The following MAGI2 variants were observed in gnomAD, a reference collection of about 807,000 sequenced individuals.
MAGI2 encodes the protein membrane-associated guanylate kinase, WW and PDZ domain-containing protein 2.
A neutral mutation model predicts 133.3 loss-of-function variants in MAGI2; 35 were observed. The observed-to-expected ratio is 0.26, with a 90% confidence interval of 0.20 to 0.35. MAGI2 has a LOEUF of 0.35. Ranked by LOEUF, MAGI2 falls within the 10% of genes least tolerant of loss-of-function variation. MAGI2 has a pLI of 1.00. For missense variants in MAGI2, 1,636 were observed against 1,863.4 expected (o/e 0.88, Z 2.25); for synonymous variants, 729 against 710.6 (o/e 1.03, Z -0.41).
At chr7:78,553,082 T>G (rs551269218) in intron 3 of MAGI2, among the ~76,000 whole-genome samples, 1 of 133,358 alleles carries the variant, frequency 7.5e-6, no homozygotes, top group East Asian at 2.4e-4. Flanking sequence ...GCCTGTAAAA[T>G]CAACTTTAAA....
intron 2 of MAGI2, among the ~76,000 whole-genome samples, chr7:78,952,870 C>G (rs1801986591): frequency 6.6e-6 from 1 of 152,058 alleles, no homozygotes; most frequent in African/African-American, 2.4e-5. Context: ...AAACATTGTA[C>G]CTGGGTGTGA....
At chr7:78,233,350 C>T (rs1171868859) in intron 10 of MAGI2, among the ~76,000 whole-genome samples, 4 of 152,024 alleles carry the variant, frequency 2.6e-5, no homozygotes, top group African/African-American at 9.7e-5. Flanking sequence ...TCCCGGAAGC[C>T]ACGGGAGGAA....
chr7:79,378,081 G>A (rs1370680472), intron 1 of MAGI2, among the ~76,000 whole-genome samples: 2 of 151,716 alleles, frequency 1.3e-5, no homozygotes, highest in Admixed American at 6.6e-5. Flanking sequence ...TCAAATTTTG[G>A]GGGTCAAGCT....
chr7:78,663,957 T>C (rs1813260024), intron 2 of MAGI2, among the ~76,000 whole-genome samples: 1 of 152,224 alleles, frequency 6.6e-6, no homozygotes, highest in South Asian at 2.1e-4. Context: ...TGCAACATTT[T>C]TTTGACATTT....
Position 78,019,629 on chromosome 7 carries a change from G to C in MAGI2, c.4054C>G (p.Leu1352Val). The C allele has an allele frequency of 9.9e-7, 1 of 1,010,222 alleles. No individual in the cohort carries two copies. The highest frequency in any genetic ancestry group is 1.2e-6 in the Non-Finnish European group (1 of 847,806). 62.6% of individuals were successfully genotyped at this position (1,010,222 alleles called of 1,614,324 possible). Residue 1352 changes from leucine (L) to valine (V), a missense_variant, in exon 22 of 22, where the codon CTC (leucine) becomes GTC (valine). By Grantham distance (32) the Leu-to-Val change is conservative. Transcript: ENST00000354212. ...GCGTCCGCCGCGTCTGCCGCCGCGA[G>C]CCCGGGCGCCCTGGCCTCCGAGGCG... ...RPASEARAPGLAAADAADAAR... is the reference protein window; with the variant it reads ...RPASEARAPGVAAADAADAAR...
rs1491358012 is a variant in MAGI2 at position 78,018,591 on chromosome 7, CCT to C, written c.*722_*723del. ...GTTCCCTAGGATACAATTTTTAAAA[CCT>C]TTTTTTTCTACCACTGAAAATGTAC... On this transcript the variant is annotated 3_prime_UTR_variant, in exon 22 of 22. Transcript: ENST00000354212. The C allele has an allele frequency of 1.2e-4, 18 of 152,190 alleles. No homozygotes were observed. Among genetic ancestry groups the C allele is most frequent in the African/African-American group, 3.9e-4 (16 of 41,412 alleles). 9.4% of individuals were successfully genotyped at this position (152,190 alleles called of 1,614,324 possible). A position where few individuals can be genotyped will look rare whatever the true frequency, so the allele number is the denominator to read the frequency against.
At chr7:79,328,794 T>C (rs563938988) in intron 1 of MAGI2, among the ~76,000 whole-genome samples, 1 of 152,312 alleles carries the variant, frequency 6.6e-6, no homozygotes, top group East Asian at 1.9e-4. Context: ...TCTCTCTCTA[T>C]TTTTCTTGTG....
chr7:79,438,101 A>T (rs574177651), intron 1 of MAGI2, among the ~76,000 whole-genome samples: 9 of 152,250 alleles, frequency 5.9e-5, no homozygotes, highest in African/African-American at 2.2e-4. Context: ...GGCAACAGCT[A>T]TTACTGTAAA....
chr7:78,346,176 C>A lies in MAGI2; in HGVS notation c.1104-133G>T, dbSNP rs138191888. On this transcript the variant is annotated intron_variant, in intron 7 of 21. Coordinates refer to ENST00000354212, the MANE Select transcript of MAGI2 (RefSeq NM_012301.4). Reference sequence around the variant, plus strand: ...ACAGTCAAGTGCCTCACCCAGCACGCGGTCAGGCTCCTGACTGGGCTGGCC... The same window carrying A: ...ACAGTCAAGTGCCTCACCCAGCACGAGGTCAGGCTCCTGACTGGGCTGGCC... 269 of 964,438 alleles carry A rather than the reference C, an allele frequency of 2.8e-4. 2 individuals carry two copies. The African/African-American group carries it at 3.5e-3, about 13-fold the overall frequency. 59.7% of individuals were successfully genotyped at this position (964,438 alleles called of 1,614,324 possible). A position where few individuals can be genotyped will look rare whatever the true frequency, so the allele number is the denominator to read the frequency against.
At chr7:78,163,705 G>GATC (rs952006545) in intron 15 of MAGI2, among the ~76,000 whole-genome samples, 6 of 151,892 alleles carry the variant, frequency 4.0e-5, no homozygotes, top group African/African-American at 9.7e-5. Context: ...AGGAGATAGA[G>GATC]ATCATCCTGG....
intron 16 of MAGI2, among the ~76,000 whole-genome samples, chr7:78,139,571 C>T (rs1281193787): frequency 5.3e-5 from 8 of 152,214 alleles, no homozygotes. Context: ...GAACTGATGA[C>T]TAAGGGAACT....
intron 1 of MAGI2, among the ~76,000 whole-genome samples, chr7:79,287,124 G>GCAGCAT (rs1253828676): frequency 6.6e-6 from 1 of 152,034 alleles, no homozygotes; most frequent in Non-Finnish European, 1.5e-5. Flanking sequence ...CCTTGAACTA[G>GCAGCAT]CAGCATCAGC....
intron 2 of MAGI2, among the ~76,000 whole-genome samples, chr7:79,002,625 G>C (rs1806990222): frequency 6.6e-6 from 1 of 151,668 alleles, no homozygotes; most frequent in Non-Finnish European, 1.5e-5. Context: ...GATAAAATTA[G>C]AACTTGAAAA....
chr7:79,338,806 T>C (rs1182911425), intron 1 of MAGI2, among the ~76,000 whole-genome samples: 3 of 152,080 alleles, frequency 2.0e-5, no homozygotes, highest in Admixed American at 1.3e-4. Context: ...GAGAGCCTCG[T>C]AGCCACACCT....
intron 2 of MAGI2, among the ~76,000 whole-genome samples, chr7:78,850,805 G>C (rs575106003): frequency 1.3e-5 from 2 of 152,170 alleles, no homozygotes; most frequent in African/African-American, 4.8e-5. Context: ...GACTGGATTT[G>C]ACATTTTTAA....
In MAGI2 at chr7:78,646,487, C is replaced by A. The variant is rs934887662; in HGVS notation, c.419-19248G>T. On this transcript the variant is annotated intron_variant, in intron 2 of 21. Coordinates refer to ENST00000354212, the MANE Select transcript of MAGI2 (RefSeq NM_012301.4). ...TAAATTTAGCATGTTTTCTCTCCTA[C>A]CAGTGAAACATTAGTAACTTTCATA... is the stretch of plus-strand genomic sequence containing the variant. Among the ~76,000 whole-genome samples the A allele has an allele frequency of 4.5e-4, 69 of 152,200 alleles. 1 individual carries two copies. Among genetic ancestry groups the A allele is most frequent in the South Asian group, 1.9e-3 (9 of 4,818 alleles).
chr7:78,450,501 G>A (rs1414632526), intron 6 of MAGI2, among the ~76,000 whole-genome samples: 1 of 152,094 alleles, frequency 6.6e-6, no homozygotes, highest in Non-Finnish European at 1.5e-5. Context: ...AATGCAGCAT[G>A]CACAAAGCAC....
At chr7:78,421,622 G>A (rs932315036) in intron 6 of MAGI2, among the ~76,000 whole-genome samples, 1 of 152,120 alleles carries the variant, frequency 6.6e-6, no homozygotes, top group Non-Finnish European at 1.5e-5. Context: ...AGATCAGCCT[G>A]GGAAACATGG....
intron 1 of MAGI2, among the ~76,000 whole-genome samples, chr7:79,110,162 G>A (rs1311726955): frequency 6.6e-6 from 1 of 151,958 alleles, no homozygotes; most frequent in African/African-American, 2.4e-5. Flanking sequence ...GCATGGAAAA[G>A]CCTGGGTGCC....
Sources: gnomAD v4.1 joint callset for allele counts (sites outside exome capture counted in the v4.1 genomes callset) on GRCh38, gnomAD v4.1.1 for gene constraint, MANE v1.5 for transcripts, NCBI Gene and HGNC (gene_info 2026-07-23, HGNC 2026-07-21) for gene names.